Variants in MRE11 observed in about 807,000 individuals in gnomAD.
MRE11 encodes the protein double-strand break repair protein MRE11.
A neutral mutation model predicts 91.7 loss-of-function variants in MRE11; 62 were observed. The observed-to-expected ratio is 0.68, with a 90% CI of 0.55 to 0.84. MRE11 has a LOEUF of 0.84. MRE11 is among the 40% of genes least tolerant of loss of function. The pLI is 0.00. For missense variants in MRE11, 796 were observed against 852.9 expected (o/e 0.93, Z 0.83); for synonymous variants, 273 against 271.4 (o/e 1.01, Z -0.06).
chr11:94,492,879 A>C lies in MRE11; in HGVS notation c.-78T>G. The C allele has an allele frequency of 7.6e-7, 1 of 1,315,980 alleles. No individual in the cohort carries two copies. 81.5% of individuals were successfully genotyped at this position (1,315,980 alleles called of 1,614,324 possible). Reference sequence around the variant, plus strand: ...GGGTACTGTACTCAAATGTCAGAAAATGCACTCGATTCCAAATTCTAGAAA... The same window carrying C: ...GGGTACTGTACTCAAATGTCAGAAACTGCACTCGATTCCAAATTCTAGAAA... On this transcript the variant is annotated 5_prime_UTR_variant, in exon 2 of 20. Transcript: ENST00000323929.
intron 16 of MRE11, 68 bp downstream of exon 16, chr11:94,445,742 C>T (rs1945908247): frequency 8.9e-7 from 1 of 1,123,664 alleles, no homozygotes; most frequent in Non-Finnish European, 1.4e-6. Context: ...ATAAGGGCTA[C>T]CAATGGTGAT....
chr11:94,508,792 T>C, the MRE11 span, among the ~76,000 whole-genome samples: 2 of 151,742 alleles, frequency 1.3e-5, no homozygotes, highest in Non-Finnish European at 2.9e-5. Flanking sequence ...GACAGAGTCT[T>C]GCTCTTTCAC....
At chr11:94,437,969 T>C (rs1945668713) in intron 16 of MRE11, among the ~76,000 whole-genome samples, 1 of 151,286 alleles carries the variant, frequency 6.6e-6, no homozygotes, top group South Asian at 2.1e-4. Context: ...TACTAAAAAA[T>C]ATATAAAAAT....
At chr11:94,472,329 G>A (rs1273485333) in intron 7 of MRE11, among the ~76,000 whole-genome samples, 2 of 152,074 alleles carry the variant, frequency 1.3e-5, no homozygotes, top group African/African-American at 4.8e-5. Flanking sequence ...AATGCAAGGT[G>A]ATAGAAGACA....
the MRE11 span, chr11:94,498,892 C>T: frequency 4.8e-6 from 1 of 208,566 alleles, no homozygotes; most frequent in South Asian, 8.8e-5. Flanking sequence ...AGTATATTGA[C>T]ATATATTTTT....
At chr11:94,497,382 A>G (rs116824861), upstream of MRE11, 2,543 of 239,532 alleles carry the variant, frequency 0.011, 64 homozygotes, top group African/African-American at 0.054. Context: ...TCGAAGTGGA[A>G]TGAACATCAA....
rs905896708 is a variant in MRE11, at chr11:94,419,442, A to G, written c.*683T>C. 2 of 209,626 alleles carry G rather than the reference A, an allele frequency of 9.5e-6. No homozygotes were observed. Among genetic ancestry groups the G allele is most frequent in the African/African-American group, 4.8e-5 (2 of 41,454 alleles). 13.0% of individuals were successfully genotyped at this position (209,626 alleles called of 1,614,324 possible). On this transcript the variant is annotated 3_prime_UTR_variant, in exon 20 of 20. Coordinates refer to ENST00000323929, the MANE Select transcript of MRE11 (RefSeq NM_005591.4). ...AGAAGAAAAAGCAAAGGAGAAAGGA[A>G]GAGTGGGGAACGGGGGGGAGAGGGA... is the stretch of plus-strand genomic sequence containing the variant.
chr11:94,478,562 A>C (rs920131047), intron 6 of MRE11, among the ~76,000 whole-genome samples, 173 bp downstream of exon 6: 1 of 152,222 alleles, frequency 6.6e-6, no homozygotes, highest in East Asian at 1.9e-4. Context: ...TAGTAACGAA[A>C]AGACATTTTT....
At chr11:94,493,392 G>T (rs1461025123) in intron 1 of MRE11, among the ~76,000 whole-genome samples, 1 of 152,152 alleles carries the variant, frequency 6.6e-6, no homozygotes, top group Non-Finnish European at 1.5e-5. Context: ...AAACAAACAC[G>T]TGGTCTGCGG....
intron 13 of MRE11, among the ~76,000 whole-genome samples, chr11:94,457,101 G>A (rs1422796512): frequency 6.6e-6 from 1 of 152,210 alleles, no homozygotes; most frequent in Admixed American, 6.5e-5. Context: ...TAAGAGGCTG[G>A]AGCAATTAGA....
At chr11:94,451,257 G>A (rs918999086) in intron 14 of MRE11, among the ~76,000 whole-genome samples, 33 of 152,064 alleles carry the variant, frequency 2.2e-4, no homozygotes, top group African/African-American at 7.7e-4. Flanking sequence ...AAATAATCTG[G>A]AAAATGAATA....
chr11:94,459,283 T>A lies in MRE11; in HGVS notation c.1500+125A>T. 6.0e-6 allele frequency: 6 copies of A among 1,004,848 alleles called. No homozygotes were observed. The South Asian group carries it at 8.5e-5, about 14-fold the overall frequency. 62.2% of individuals were successfully genotyped at this position (1,004,848 alleles called of 1,614,324 possible). ...TTAACCTTCATTTTATCATTTCAAT[T>A]TTATAGATGAGAAAAACTAAACAAA... On this transcript the variant is annotated intron_variant, in intron 13 of 19. Transcript: ENST00000323929.
intron 15 of MRE11, 99 bp downstream of exon 15, chr11:94,447,120 A>G (rs1259995259): frequency 3.2e-6 from 4 of 1,242,932 alleles, no homozygotes; most frequent in South Asian, 2.4e-5. Context: ...ACCGTGTTTT[A>G]GAAATAAAAC....
At chr11:94,426,440 A>G (rs572251170) in intron 19 of MRE11, among the ~76,000 whole-genome samples, 50 of 21,000 alleles carry the variant, frequency 2.4e-3, no homozygotes, top group African/African-American at 6.0e-3. Context: ...TTGTTAATTT[A>G]AATCAAATTA....
At chr11:94,501,063 C>T in the MRE11 span, among the ~76,000 whole-genome samples, 1 of 152,142 alleles carries the variant, frequency 6.6e-6, no homozygotes, top group Non-Finnish European at 1.5e-5. Flanking sequence ...ATGCTCCAGT[C>T]CATCTGTAGG....
chr11:94,432,283 T>A lies in MRE11; in HGVS notation c.1995-2297A>T, dbSNP rs1304887544. On this transcript the variant is annotated intron_variant, in intron 18 of 19. Transcript: ENST00000323929. ...CATCTGCGCCCATCTTGGTATTTTT[T>A]ACTCCTATAAAGGCCAGTACGGCCT... Among the ~76,000 whole-genome samples the A allele has an allele frequency of 2.6e-5, 4 of 152,364 alleles. No individual in the cohort carries two copies. In the East Asian group the frequency reaches 7.7e-4, roughly 29 times the overall value.
rs1001831519 is a variant in MRE11 at position 94,464,153 on chromosome 11, A to G, written c.1185T>C (p.Ile395=). ...GTTCTCTATGCCTGAAAAAATGGAT[A>G]ATGTCTTTTGGATTAGCTACCCGAT... is the stretch of plus-strand genomic sequence containing the variant. ...FVDRVANPKD[I]IHFFRHREQK... The change falls in exon 11 of 20, where the codon ATT becomes ATC. Residue 395 remains isoleucine, a synonymous_variant. Transcript: ENST00000323929. The G allele has an allele frequency of 1.9e-6, 3 of 1,613,888 alleles. No individual in the cohort carries two copies. Among genetic ancestry groups the G allele is most frequent in the Non-Finnish European group, 1.7e-6 (2 of 1,179,888 alleles).
intron 4 of MRE11, 31 bp downstream of exon 4, chr11:94,485,893 A>G (rs1451737285): frequency 6.2e-7 from 1 of 1,602,148 alleles, no homozygotes; most frequent in South Asian, 1.1e-5. Flanking sequence ...TACACAAGTA[A>G]TCACTCACTC....
chr11:94,484,049 G>A (rs886951192), intron 4 of MRE11, among the ~76,000 whole-genome samples: 3 of 152,078 alleles, frequency 2.0e-5, no homozygotes, highest in Non-Finnish European at 4.4e-5. Context: ...TGAAGAAATG[G>A]CTGAGTCTGA....
Sources: gnomAD v4.1 joint callset for allele counts (sites outside exome capture counted in the v4.1 genomes callset) on GRCh38, gnomAD v4.1.1 for gene constraint, MANE v1.5 for transcripts, NCBI Gene and HGNC (gene_info 2026-07-23, HGNC 2026-07-21) for gene names.